ANO10: variants seen among roughly 807,000 people sequenced by gnomAD.
ANO10 encodes anoctamin-10.
In ANO10, 77 loss-of-function variants were observed where a neutral mutation model predicts 74.7. The ratio of observed to expected loss-of-function variants is 1.03; its 90% CI spans 0.86 to 1.25. The LOEUF is 1.25. ANO10 is among the 50% of genes most tolerant of loss of function. The probability of loss-of-function intolerance (pLI) is 0.00; values close to 1 mark genes in which losing one functional copy is unlikely to be tolerated. For missense variants in ANO10, 721 were observed against 778.1 expected (o/e 0.93, Z 0.87); for synonymous variants, 279 against 284.9 (o/e 0.98, Z 0.21).
intron 12 of ANO10, among the ~76,000 whole-genome samples, chr3:43,414,101 C>A (rs2092703713): frequency 6.6e-6 from 1 of 151,900 alleles, no homozygotes; most frequent in Non-Finnish European, 1.5e-5. Context: ...TGAGCACCAG[C>A]AAAGATAAAC....
At chr3:43,567,307 C>A (rs902664713) in intron 7 of ANO10, among the ~76,000 whole-genome samples, 17 of 151,078 alleles carry the variant, frequency 1.1e-4, no homozygotes, top group Middle Eastern at 3.5e-3. Flanking sequence ...GGCAGGCCAA[C>A]GTTCAGATTC....
chr3:43,499,743 C>A (rs1369575841), intron 11 of ANO10, among the ~76,000 whole-genome samples: 1 of 151,562 alleles, frequency 6.6e-6, no homozygotes, highest in African/African-American at 2.4e-5. Flanking sequence ...CTTTTTAAAA[C>A]TTCTTTAGAT....
At chr3:43,524,603 C>T (rs1213948520) in intron 11 of ANO10, among the ~76,000 whole-genome samples, 1 of 152,186 alleles carries the variant, frequency 6.6e-6, no homozygotes, top group Non-Finnish European at 1.5e-5. Context: ...CATGGATTTA[C>T]TGATGCAGAT....
At chr3:43,606,749 C>T (rs1262617325) in intron 1 of ANO10, among the ~76,000 whole-genome samples, 3 of 151,962 alleles carry the variant, frequency 2.0e-5, no homozygotes, top group East Asian at 1.9e-4. Flanking sequence ...CTAGGCAGAA[C>T]CACTACTATA....
At chr3:43,488,935 G>A (rs1462902488) in intron 11 of ANO10, among the ~76,000 whole-genome samples, 3 of 151,356 alleles carry the variant, frequency 2.0e-5, no homozygotes, top group Non-Finnish European at 4.4e-5. Context: ...GTCCAACAAT[G>A]ATAGACTGGA....
At chr3:43,531,432 T>A (rs1226186423) in intron 11 of ANO10, among the ~76,000 whole-genome samples, 1 of 152,232 alleles carries the variant, frequency 6.6e-6, no homozygotes, top group Non-Finnish European at 1.5e-5. Context: ...AAGTTCTCTA[T>A]CTTCTAATGT....
chr3:43,388,529 G>A (rs919939056), intron 12 of ANO10, among the ~76,000 whole-genome samples: 3 of 152,118 alleles, frequency 2.0e-5, no homozygotes, highest in African/African-American at 7.2e-5. Flanking sequence ...ACTGCAGCTA[G>A]TTTCTTACTC....
chr3:43,497,201 C>T (rs1559615141), intron 11 of ANO10, among the ~76,000 whole-genome samples: 1 of 152,200 alleles, frequency 6.6e-6, no homozygotes, highest in Non-Finnish European at 1.5e-5. Flanking sequence ...TACTTCCTTA[C>T]TCCACAGGAG....
intron 1 of ANO10, among the ~76,000 whole-genome samples, chr3:43,641,952 C>T (rs2083674659): frequency 6.6e-6 from 1 of 152,182 alleles, no homozygotes; most frequent in South Asian, 2.1e-4. Flanking sequence ...CAGATACACA[C>T]ACACAGCTGA....
intron 7 of ANO10, 33 bp from the exon 8 acceptor site, chr3:43,565,760 T>C: frequency 2.0e-6 from 3 of 1,527,768 alleles, no homozygotes; most frequent in Non-Finnish European, 2.7e-6. Flanking sequence ...AGATAAGTGT[T>C]AAGCACTGCT....
chr3:43,670,707 T>G (rs2149577220), intron 1 of ANO10, among the ~76,000 whole-genome samples: 1 of 152,302 alleles, frequency 6.6e-6, no homozygotes, highest in South Asian at 2.1e-4. Context: ...TGGTGACATT[T>G]GCATTTTGGC....
At chr3:43,528,189 T>C (rs960011059) in intron 11 of ANO10, among the ~76,000 whole-genome samples, 4 of 138,292 alleles carry the variant, frequency 2.9e-5, no homozygotes, top group African/African-American at 1.0e-4. Flanking sequence ...TCTAGGAAAA[T>C]TTCAAAATGA....
At chr3:43,400,944 C>T (rs975435779) in intron 12 of ANO10, among the ~76,000 whole-genome samples, 3 of 152,148 alleles carry the variant, frequency 2.0e-5, no homozygotes, top group Non-Finnish European at 2.9e-5. Context: ...TATAGTCTGA[C>T]GTGTCAAGAA....
intron 1 of ANO10, among the ~76,000 whole-genome samples, chr3:43,608,071 T>G (rs1265176535): frequency 1.3e-5 from 2 of 152,016 alleles, no homozygotes; most frequent in African/African-American, 4.8e-5. Flanking sequence ...ACCAAGAATT[T>G]CCCAAAGCTG....
chr3:43,427,437 T>C (rs2092915359), intron 12 of ANO10, among the ~76,000 whole-genome samples: 1 of 152,214 alleles, frequency 6.6e-6, no homozygotes, highest in African/African-American at 2.4e-5. Flanking sequence ...ACAACCCTAT[T>C]TAAGGACTGT....
At chr3:43,487,607 A>G (rs2149105925) in intron 11 of ANO10, among the ~76,000 whole-genome samples, 1 of 152,202 alleles carries the variant, frequency 6.6e-6, no homozygotes, top group South Asian at 2.1e-4. Flanking sequence ...TGTTTGTAGT[A>G]TTCTCTGAGG....
chr3:43,690,302 G>T (rs1257150584), intron 1 of ANO10: 1 of 152,080 alleles, frequency 6.6e-6, no homozygotes, highest in Non-Finnish European at 1.5e-5. Context: ...AAATCCGCCC[G>T]CCTTGGCCGC....
chr3:43,670,275 T>C (rs369324126), intron 1 of ANO10, among the ~76,000 whole-genome samples: 102 of 152,022 alleles, frequency 6.7e-4, no homozygotes, highest in South Asian at 2.9e-3. Context: ...GGTGGGAGGA[T>C]TGCTTGCGCC....
At position 43,605,757 on chromosome 3, in the gene ANO10, T is replaced by G; in HGVS notation, c.96A>C (p.Lys32Asn). 1 of 1,613,288 alleles carries G rather than the reference T, an allele frequency of 6.2e-7. No individual in the cohort carries two copies. The highest frequency in any genetic ancestry group is 1.3e-5 in the African/African-American group (1 of 75,034). Residue 32 changes from lysine to asparagine, a missense_variant, in exon 2 of 13, where the codon AAA (lysine) becomes AAC (asparagine). Physicochemically the swap from Lys to Asn is moderately conservative, Grantham distance 94 (BLOSUM62 0). Transcript: ENST00000292246. ...ELAQDVKEET[K>N]EWLKNRIIAK... ...CTATAATTCTGTTTTTCAGCCATTC[T>G]TTGGTTTCTTCTTTGACATCCTGAG...
Sources: allele counts gnomAD v4.1 joint callset (sites outside exome capture counted in the v4.1 genomes callset), GRCh38; gene constraint gnomAD v4.1.1; transcripts MANE v1.5; gene names NCBI Gene and HGNC (gene_info 2026-07-23, HGNC 2026-07-21).